Variants in GPC5 observed in about 807,000 individuals in gnomAD.
The protein encoded by GPC5 is glypican-5.
Under a neutral mutation model 53.9 loss-of-function variants are expected in GPC5, and 47 were observed. That is an observed-to-expected ratio of 0.87 (90% CI 0.69 to 1.11). The LOEUF is 1.11. Ranked by LOEUF, GPC5 falls within the 50% of genes most tolerant of loss-of-function variation. The pLI, the probability that GPC5 is intolerant of heterozygous loss-of-function variation, is 0.00. For missense variants in GPC5, 748 were observed against 713.1 expected, an observed-to-expected ratio of 1.05 and a Z score of -0.56; for synonymous variants, 286 against 263.3, an observed-to-expected ratio of 1.09 and a Z score of -0.84.
intron 7 of GPC5, among the ~76,000 whole-genome samples, chr13:92,584,027 C>T (rs977310219): frequency 5.9e-5 from 9 of 152,152 alleles, no homozygotes; most frequent in African/African-American, 2.2e-4. Context: ...AAACCTCTTT[C>T]TTTTGTGAAT....
chr13:91,613,328 G>T (rs2033610759), intron 2 of GPC5, among the ~76,000 whole-genome samples: 1 of 152,252 alleles, frequency 6.6e-6, no homozygotes, highest in East Asian at 1.9e-4. Flanking sequence ...GAGAATTTGT[G>T]CAGGGAAACT....
chr13:92,039,249 G>T (rs1183342785), intron 6 of GPC5, among the ~76,000 whole-genome samples: 1 of 152,126 alleles, frequency 6.6e-6, no homozygotes, highest in Non-Finnish European at 1.5e-5. Flanking sequence ...TATGTTTTCC[G>T]TTTTCTCTTT....
intron 7 of GPC5, chr13:92,448,993 T>C (rs1877947416): frequency 6.6e-6 from 1 of 150,800 alleles, no homozygotes; most frequent in Non-Finnish European, 1.5e-5. Context: ...ATGTGTTATG[T>C]AGTTTAATTC....
Position 91,571,850 on chromosome 13 carries a change from T to TATACAC in GPC5, c.326-121336_326-121335insTACACA, listed in dbSNP as rs1555325850. On this transcript the variant is annotated intron_variant, in intron 2 of 7. Coordinates refer to ENST00000377067, the MANE Select transcript of GPC5 (RefSeq NM_004466.6). ...ATATACACATATACTTGTGTGTATA[T>TATACAC]ACACATATACGTGTGTGTATATATA... 7.1e-5 allele frequency among the ~76,000 whole-genome samples: 5 copies of TATACAC among 70,510 alleles called. 1 individual carries two copies. Among genetic ancestry groups the TATACAC allele is most frequent in the African/African-American group, 5.5e-4 (4 of 7,218 alleles). 46.3% of individuals were successfully genotyped at this position (70,510 alleles called of 152,430 possible).
intron 7 of GPC5, among the ~76,000 whole-genome samples, chr13:92,369,409 C>T (rs972696137): frequency 6.6e-6 from 1 of 152,194 alleles, no homozygotes. Context: ...AACTCCTGGC[C>T]TCAAGTGATC....
chr13:91,931,147 C>T (rs927639083), intron 6 of GPC5, among the ~76,000 whole-genome samples: 4 of 151,946 alleles, frequency 2.6e-5, no homozygotes, highest in Non-Finnish European at 5.9e-5. Flanking sequence ...ATCATTCTTT[C>T]TGTTAAAACT....
intron 6 of GPC5, among the ~76,000 whole-genome samples, chr13:91,911,815 A>G (rs1258071739): frequency 6.6e-6 from 1 of 152,184 alleles, no homozygotes; most frequent in Non-Finnish European, 1.5e-5. Context: ...GAGATAGAAG[A>G]AGGATGATAG....
intron 5 of GPC5, among the ~76,000 whole-genome samples, chr13:91,849,189 C>T (rs1177347083): frequency 6.6e-6 from 1 of 152,170 alleles, no homozygotes; most frequent in Non-Finnish European, 1.5e-5. Context: ...TTTCCACATA[C>T]ATGCCTGTTT....
intron 6 of GPC5, among the ~76,000 whole-genome samples, chr13:91,924,356 G>A (rs1184292799): frequency 1.3e-5 from 2 of 152,018 alleles, no homozygotes; most frequent in African/African-American, 4.8e-5. Flanking sequence ...TCACAGATTC[G>A]CTCATAATAG....
chr13:91,930,666 T>C (rs1370642046), intron 6 of GPC5, among the ~76,000 whole-genome samples: 1 of 152,002 alleles, frequency 6.6e-6, no homozygotes, highest in Non-Finnish European at 1.5e-5. Context: ...ACCATACAGC[T>C]ACCACCCTAA....
Position 91,945,256 on chromosome 13 carries a change from C to G in GPC5, c.1401+37199C>G, listed in dbSNP as rs190051231. Among the ~76,000 whole-genome samples the G allele has an allele frequency of 1.1e-3, 166 of 152,166 alleles. 2 individuals are homozygous for G. Among genetic ancestry groups the G allele is most frequent in the Admixed American group, 0.01 (154 of 15,280 alleles). The stretch of plus-strand genomic sequence containing the variant: ...CCCTTACATTATTTGGGGTTCAGTC[C>G]CCCTTGTTCTCTTTACAATTTAGTT... On this transcript the variant is annotated intron_variant, in intron 6 of 7. Transcript: ENST00000377067.
intron 7 of GPC5, among the ~76,000 whole-genome samples, chr13:92,337,697 C>A (rs78691737): frequency 1.3e-5 from 2 of 152,056 alleles, no homozygotes; most frequent in South Asian, 2.1e-4. Context: ...AAAGGAAATG[C>A]GATGGTGCAA....
intron 5 of GPC5, among the ~76,000 whole-genome samples, chr13:91,817,286 T>C (rs2138821357): frequency 6.6e-6 from 1 of 152,334 alleles, no homozygotes; most frequent in Non-Finnish European, 1.5e-5. Flanking sequence ...GAATGAATTA[T>C]TCTTCAAACT....
At chr13:92,484,107 C>T (rs1879463160) in intron 7 of GPC5, among the ~76,000 whole-genome samples, 3 of 152,170 alleles carry the variant, frequency 2.0e-5, no homozygotes, top group Admixed American at 2.0e-4. Flanking sequence ...CACTGCCCTT[C>T]AGCCTGGGCA....
At chr13:91,615,394 T>C (rs1433751104) in intron 2 of GPC5, among the ~76,000 whole-genome samples, 1 of 152,192 alleles carries the variant, frequency 6.6e-6, no homozygotes, top group African/African-American at 2.4e-5. Flanking sequence ...GTTGCACATA[T>C]TGTTTTCATT....
At chr13:92,322,070 T>C (rs1213084552) in intron 7 of GPC5, among the ~76,000 whole-genome samples, 4 of 152,118 alleles carry the variant, frequency 2.6e-5, no homozygotes, top group African/African-American at 9.7e-5. Context: ...AAAATTAATA[T>C]ATATAAACCT....
intron 7 of GPC5, among the ~76,000 whole-genome samples, chr13:92,165,128 C>T (rs2042017952): frequency 6.6e-6 from 1 of 152,164 alleles, no homozygotes; most frequent in South Asian, 2.1e-4. Flanking sequence ...GACATTTTCC[C>T]CATTGTCTTG....
chr13:91,496,159 A>G (rs1884251874), intron 2 of GPC5, among the ~76,000 whole-genome samples: 1 of 152,256 alleles, frequency 6.6e-6, no homozygotes, highest in Admixed American at 6.5e-5. Flanking sequence ...TATGCAAAGG[A>G]ATACAAATAA....
In GPC5 at chr13:92,385,339, TATATATAC is replaced by T. The variant is rs1364713975; in HGVS notation, c.1561+240374_1561+240381del. Among the ~76,000 whole-genome samples the T allele has an allele frequency of 6.2e-3, 715 of 114,852 alleles. 9 individuals are homozygous for T. Among genetic ancestry groups the T allele is most frequent in the Non-Finnish European group, 7.6e-3 (430 of 56,562 alleles). The allele number at this position is 114,852 out of a possible 152,430, so 75.3% of individuals were successfully genotyped here. ...ATATATACATATATACATATATACA[TATATATAC>T]ATATATACATATATACATATATATA... On this transcript the variant is annotated intron_variant, in intron 7 of 7. Coordinates refer to ENST00000377067, the MANE Select transcript of GPC5 (RefSeq NM_004466.6).
Sources: gnomAD v4.1 joint callset for allele counts (sites outside exome capture counted in the v4.1 genomes callset) on GRCh38, gnomAD v4.1.1 for gene constraint, MANE v1.5 for transcripts, NCBI Gene and HGNC (gene_info 2026-07-23, HGNC 2026-07-21) for gene names.